Variants in ATAD3B observed in about 807,000 individuals in gnomAD.
ATAD3B encodes the protein ATPase family AAA domain containing 3B.
In ATAD3B, 59 loss-of-function variants were observed where a neutral mutation model predicts 70.2. The ratio of observed to expected loss-of-function variants is 0.84; its 90% CI spans 0.68 to 1.04. The LOEUF (loss-of-function observed/expected upper bound fraction) is 1.04, where lower values mean the gene tolerates loss of function less well. Among genes scored for constraint, ATAD3B ranks in the 50% least tolerant of loss-of-function variants. The pLI, the probability that ATAD3B is intolerant of heterozygous loss-of-function variation, is 0.00. For synonymous variants in ATAD3B, 423 were observed against 388.6 expected (o/e 1.09, Z -1.04); for missense variants, 961 against 913.4 (o/e 1.05, Z -0.67).
chr1:1,491,444 T>C (rs1370527658), intron 15 of ATAD3B, among the ~76,000 whole-genome samples: 3 of 152,078 alleles, frequency 2.0e-5, no homozygotes, highest in Non-Finnish European at 2.9e-5. Flanking sequence ...GGCAGAAGAA[T>C]TGCTTGACCC....
rs1261457367 is a variant in ATAD3B at position 1,477,285 on chromosome 1, G to A, written c.217G>A (p.Glu73Lys). 3 of 1,612,434 alleles carry A rather than the reference G, an allele frequency of 1.9e-6. No individual in the cohort carries two copies. Among genetic ancestry groups the A allele is most frequent in the South Asian group, 2.2e-5 (2 of 90,948 alleles). The change falls in exon 2 of 16, where the codon GAG becomes AAG. Residue 73 changes from glutamate (E) to lysine (K), a missense_variant. Physicochemically the swap from Glu to Lys is moderately conservative, Grantham distance 56. Coordinates refer to ENST00000673477, the MANE Select transcript of ATAD3B (RefSeq NM_031921.6). ...RELEHSRYAKEALNLAQMQEQ... is the reference protein window; with the variant it reads ...RELEHSRYAKKALNLAQMQEQ... ...ACATGCGCCCGCAGGTTACGCCAAG[G>A]AGGCCCTGAATCTGGCGCAGATGCA...
chr1:1,507,925 C>G, the ATAD3B span, among the ~76,000 whole-genome samples: 1 of 152,188 alleles, frequency 6.6e-6, no homozygotes, highest in African/African-American at 2.4e-5. Flanking sequence ...CACTGTTGGC[C>G]CCACCCGCGA....
intron 12 of ATAD3B, 45 bp from the exon 13 acceptor site, chr1:1,489,159 A>G: frequency 2.5e-6 from 4 of 1,612,062 alleles, no homozygotes; most frequent in Non-Finnish European, 3.4e-6. Flanking sequence ...GGCTGTTTAC[A>G]AGGCTTTGCT....
At chr1:1,493,904 G>A (rs1410173145) in intron 15 of ATAD3B, among the ~76,000 whole-genome samples, 2 of 151,914 alleles carry the variant, frequency 1.3e-5, no homozygotes, top group Non-Finnish European at 2.9e-5. Flanking sequence ...TGTTTGTCTG[G>A]CTTTAATATG....
downstream of ATAD3B, among the ~76,000 whole-genome samples, chr1:1,498,531 C>T (rs1640858619): frequency 1.3e-5 from 2 of 149,210 alleles, no homozygotes; most frequent in African/African-American, 2.5e-5. Flanking sequence ...GGGATGGGGT[C>T]GGTGGGTGGG....
intron 1 of ATAD3B, among the ~76,000 whole-genome samples, chr1:1,475,759 A>G (rs577017928): frequency 6.6e-6 from 1 of 151,952 alleles, no homozygotes; most frequent in African/African-American, 2.4e-5. Flanking sequence ...GGGTCACACC[A>G]AAGTGGTGAA....
At chr1:1,485,929 C>T in intron 9 of ATAD3B, 91 bp downstream of exon 9, 1 of 1,604,694 alleles carries the variant, frequency 6.2e-7, no homozygotes, top group South Asian at 1.1e-5. Flanking sequence ...CGTGGTGGCG[C>T]CCAGGAGCTT....
intron 15 of ATAD3B, among the ~76,000 whole-genome samples, chr1:1,492,430 G>A (rs1259732603): frequency 6.6e-6 from 1 of 151,910 alleles, no homozygotes; most frequent in Non-Finnish European, 1.5e-5. Context: ...AGGATGCGGT[G>A]AGCTGAGATC....
At chr1:1,491,422 A>G (rs1007330771) in intron 15 of ATAD3B, among the ~76,000 whole-genome samples, 4 of 151,944 alleles carry the variant, frequency 2.6e-5, no homozygotes, top group African/African-American at 9.7e-5. Flanking sequence ...TCCCAGCCAC[A>G]CGGGAGGCTG....
chr1:1,485,377 G>C (rs995701325), intron 8 of ATAD3B, among the ~76,000 whole-genome samples: 1 of 152,074 alleles, frequency 6.6e-6, no homozygotes, highest in Admixed American at 6.6e-5. Flanking sequence ...CTGCCTCGGT[G>C]TCCCTTGCTC....
At chr1:1,478,534 T>A in intron 2 of ATAD3B, 110 bp from the exon 3 acceptor site, 1 of 1,550,056 alleles carries the variant, frequency 6.5e-7, no homozygotes, top group Non-Finnish European at 8.7e-7. Context: ...CTGCACACAC[T>A]AGTCTGGGCA....
intron 15 of ATAD3B, among the ~76,000 whole-genome samples, chr1:1,494,980 A>G (rs1307897718): frequency 6.6e-6 from 1 of 152,088 alleles, no homozygotes; most frequent in Non-Finnish European, 1.5e-5. Context: ...CAGTAGCTCC[A>G]GCCTCCGTGT....
At chr1:1,479,643 AC>A (rs1639795689) in intron 4 of ATAD3B, among the ~76,000 whole-genome samples, 1 of 141,262 alleles carries the variant, frequency 7.1e-6, no homozygotes, top group African/African-American at 2.7e-5. Flanking sequence ...CAGCCCGCAC[AC>A]ACACAGGTAT....
chr1:1,495,406 C>G (rs1264315002), intron 15 of ATAD3B, 79 bp from the exon 16 acceptor site: 2 of 1,516,498 alleles, frequency 1.3e-6, no homozygotes, highest in East Asian at 4.5e-5. Context: ...TTGGCCCCTC[C>G]CCACCTCGGG....
chr1:1,486,501 A>C, intron 10 of ATAD3B, 43 bp from the exon 11 acceptor site: 1 of 1,609,054 alleles, frequency 6.2e-7, no homozygotes, highest in Non-Finnish European at 8.5e-7. Context: ...TTGCAGAGGC[A>C]GAGGGAACAT....
chr1:1,477,294 A>G lies in ATAD3B; in HGVS notation c.226A>G (p.Asn76Asp). The change falls in exon 2 of 16, where the codon AAT becomes GAT. Residue 76 changes from asparagine to aspartate, a missense_variant. Physicochemically the swap from Asn to Asp is conservative, Grantham distance 23. This residue lies in a region of ATAD3B where 187 missense variants were observed against 244.3 expected (regional missense o/e 0.77). Coordinates refer to ENST00000673477, the MANE Select transcript of ATAD3B (RefSeq NM_031921.6). ...EHSRYAKEAL[N>D]LAQMQEQTLQ... ...CGCAGGTTACGCCAAGGAGGCCCTG[A>G]ATCTGGCGCAGATGCAGGAGCAGAC... 6.2e-7 allele frequency: 1 copy of G among 1,612,426 alleles called. No individual in the cohort carries two copies. The highest frequency in any genetic ancestry group is 8.5e-7 in the Non-Finnish European group (1 of 1,179,686).
In ATAD3B at chr1:1,486,515, T is replaced by C. The variant is rs768257981; in HGVS notation, c.1090-29T>C. 3.0e-5 allele frequency: 49 copies of C among 1,611,818 alleles called. 1 individual carries two copies. Among genetic ancestry groups the C allele is most frequent in the Middle Eastern group, 1.7e-4 (1 of 6,054 alleles). ...TTTGCAGAGGCAGAGGGAACATCTG[T>C]TCTGTCTCCCCTCACTCTTCTTGTC... is the stretch of plus-strand genomic sequence containing the variant. On this transcript the variant is annotated intron_variant, in intron 10 of 15. Transcript: ENST00000673477.
Position 1,486,221 on chromosome 1 carries a change from A to G in ATAD3B, c.1075A>G (p.Thr359Ala). 6.2e-7 allele frequency: 1 copy of G among 1,612,986 alleles called. No homozygotes were observed. The highest frequency in any genetic ancestry group is 8.5e-7 in the Non-Finnish European group (1 of 1,179,612). The part of the protein sequence containing the change: ...LLYGPPGTGK[T>A]LFAKKLALHS... Reference sequence around the variant, plus strand: ...GTATGGGCCACCAGGCACCGGGAAGACGCTGTTTGCCAAGGTGAGAGCGCC... The same window carrying G: ...GTATGGGCCACCAGGCACCGGGAAGGCGCTGTTTGCCAAGGTGAGAGCGCC... Residue 359 changes from threonine to alanine, a missense_variant, in exon 10 of 16, where the codon ACG becomes GCG. Physicochemically the swap from Thr to Ala is moderately conservative, Grantham distance 58. Around this residue, in one of 4 missense-constraint regions of ATAD3B, gnomAD observed 349 missense variants for 307.5 expected, o/e 1.14. Coordinates refer to ENST00000673477, the MANE Select transcript of ATAD3B (RefSeq NM_031921.6).
chr1:1,490,115 T>C (rs1640452567), intron 13 of ATAD3B, 142 bp from the exon 14 acceptor site: 2 of 1,444,272 alleles, frequency 1.4e-6, no homozygotes, highest in East Asian at 5.0e-5. Context: ...GTGGCTGCGT[T>C]CTCCCCATGT....
Sources: allele counts gnomAD v4.1 joint callset (sites outside exome capture counted in the v4.1 genomes callset), GRCh38; gene constraint gnomAD v4.1.1; regional missense constraint gnomAD v4.1.1; transcripts MANE v1.5; gene names NCBI Gene and HGNC (gene_info 2026-07-23, HGNC 2026-07-21).